Variants in CCNJL observed in about 807,000 individuals in gnomAD.
CCNJL encodes the protein cyclin J like.
Under a neutral mutation model 33.4 loss-of-function variants are expected in CCNJL, and 33 were observed. The observed-to-expected ratio is 0.99, with a 90% CI of 0.75 to 1.32. The LOEUF is 1.32. Among genes scored for constraint, CCNJL ranks in the 40% most tolerant of loss-of-function variants. CCNJL has a pLI of 0.00. For missense variants in CCNJL, 512 were observed against 499.7 expected (o/e 1.02, Z -0.23); for synonymous variants, 227 against 220.9 (o/e 1.03, Z -0.24).
rs528353311 is a variant in CCNJL, at chr5:160,269,832, C to G, written c.281-10061G>C. On this transcript the variant is annotated intron_variant, in intron 3 of 5. Coordinates refer to ENST00000257536, the MANE Select transcript of CCNJL (RefSeq NM_001308173.3). Reference sequence around the variant, plus strand: ...AGTGGCTGAGAACCACTGAGTCAACCCCAAGGTGACAACCTGTGTCCCCAT... The same window carrying G: ...AGTGGCTGAGAACCACTGAGTCAACGCCAAGGTGACAACCTGTGTCCCCAT... 2.5e-4 allele frequency among the ~76,000 whole-genome samples: 38 copies of G among 152,278 alleles called. 1 individual carries two copies. In the South Asian group the frequency reaches 7.7e-3, roughly 31 times the overall value.
Position 160,329,349 on chromosome 5 carries a change from T to A in CCNJL, n.206+10096A>T, listed in dbSNP as rs182316366. Among the ~76,000 whole-genome samples the A allele has an allele frequency of 4.7e-3, 688 of 146,952 alleles. 6 individuals carry two copies. The highest frequency in any genetic ancestry group is 0.016 in the African/African-American group (646 of 39,412). On this transcript the variant is annotated intron_variant and non_coding_transcript_variant, in intron 1 of 7. Transcript: ENST00000377503. ...CTGAGCCAGTATGATAAGGAAGTCT[T>A]CTTTTTTTTTTTTTTTTTTGAGACA...
At chr5:160,338,419 A>C (rs1416820224) in intron 1 of CCNJL, among the ~76,000 whole-genome samples, 1 of 150,622 alleles carries the variant, frequency 6.6e-6, no homozygotes, top group African/African-American at 2.4e-5. Flanking sequence ...CCCCCAAAAA[A>C]AGCCAAACCT....
At chr5:160,330,827 C>A (rs984002689) in intron 1 of CCNJL, among the ~76,000 whole-genome samples, 1 of 152,078 alleles carries the variant, frequency 6.6e-6, no homozygotes, top group Non-Finnish European at 1.5e-5. Context: ...TCATGCCTGG[C>A]TAATTTTTGT....
chr5:160,337,003 CTTTTTTT>C (rs35461944), intron 1 of CCNJL, among the ~76,000 whole-genome samples: 7 of 95,062 alleles, frequency 7.4e-5, no homozygotes, highest in African/African-American at 1.6e-4. Flanking sequence ...CTTTTTCTTT[CTTTTTTT>C]TTTTTTTTTT....
upstream of CCNJL, among the ~76,000 whole-genome samples, chr5:160,314,227 C>T (rs1763350946): frequency 6.6e-6 from 1 of 152,156 alleles, no homozygotes; most frequent in Admixed American, 6.5e-5. Flanking sequence ...AATCTTAAAG[C>T]ATATTGCAAC....
intron 1 of CCNJL, among the ~76,000 whole-genome samples, chr5:160,333,835 C>T (rs969410217): frequency 5.3e-5 from 8 of 152,120 alleles, no homozygotes; most frequent in African/African-American, 1.9e-4. Context: ...CTGTGGACCC[C>T]CAGGGTTTTC....
chr5:160,268,915 T>C lies in CCNJL; in HGVS notation c.281-9144A>G, dbSNP rs114001094. Among the ~76,000 whole-genome samples, 1,290 of 152,294 alleles carry C rather than the reference T, an allele frequency of 8.5e-3. 19 individuals are homozygous for C. The highest frequency in any genetic ancestry group is 0.03 in the African/African-American group (1,236 of 41,546). ...AAGCTCTCTTCTTCTCCTTCCTCTC[T>C]CAAGAGCAGGGCTGCATCTCCAGTC... On this transcript the variant is annotated intron_variant, in intron 3 of 5. Coordinates refer to ENST00000257536, the MANE Select transcript of CCNJL (RefSeq NM_001308173.3).
chr5:160,280,462 G>A lies in CCNJL; in HGVS notation c.280+63C>T. On this transcript the variant is annotated intron_variant, in intron 3 of 5. Coordinates refer to ENST00000257536, the MANE Select transcript of CCNJL (RefSeq NM_001308173.3). ...CAAAATGTAAAGTGATTTGGAAGCAGCCAGGCGCACTGAGCGGGAGGAGAC... is the reference window on the plus strand; with the variant it reads ...CAAAATGTAAAGTGATTTGGAAGCAACCAGGCGCACTGAGCGGGAGGAGAC... 3 of 1,298,964 alleles carry A rather than the reference G, an allele frequency of 2.3e-6. No homozygotes were observed. In the East Asian group the frequency reaches 6.9e-5, roughly 30 times the overall value. 80.5% of individuals were successfully genotyped at this position (1,298,964 alleles called of 1,614,324 possible).
chr5:160,260,124 T>TCAG (rs1318491774), intron 3 of CCNJL, among the ~76,000 whole-genome samples: 1 of 152,184 alleles, frequency 6.6e-6, no homozygotes, highest in Non-Finnish European at 1.5e-5. Flanking sequence ...CCGATAGCGG[T>TCAG]CAGCAGCAGC....
At chr5:160,255,787 A>C in intron 4 of CCNJL, 79 bp from the exon 5 acceptor site, 1 of 1,265,048 alleles carries the variant, frequency 7.9e-7, no homozygotes, top group Non-Finnish European at 1.1e-6. Context: ...ATGGATGGAC[A>C]AATGAATCGC....
At chr5:160,296,301 G>A (rs1304640090) in intron 2 of CCNJL, among the ~76,000 whole-genome samples, 1 of 152,176 alleles carries the variant, frequency 6.6e-6, no homozygotes, top group East Asian at 1.9e-4. Flanking sequence ...CAGGGCAGAG[G>A]GAGTCCTTCA....
intron 2 of CCNJL, among the ~76,000 whole-genome samples, chr5:160,305,745 A>G (rs1763075166): frequency 6.6e-6 from 1 of 152,192 alleles, no homozygotes. Flanking sequence ...TATTCCTGTG[A>G]GCCTTGCAGT....
chr5:160,283,005 A>G lies in CCNJL; in HGVS notation c.67-2267T>C, dbSNP rs1762285710. On this transcript the variant is annotated intron_variant, in intron 2 of 5. Coordinates refer to ENST00000257536, the MANE Select transcript of CCNJL (RefSeq NM_001308173.3). ...TATATATATATATATATATATATAT[A>G]TATACATATATATATATATATACCT... is the stretch of plus-strand genomic sequence containing the variant. 5.1e-5 allele frequency among the ~76,000 whole-genome samples: 3 copies of G among 58,570 alleles called. 1 individual carries two copies. In the South Asian group the frequency reaches 2.3e-3, roughly 44 times the overall value. 38.4% of individuals were successfully genotyped at this position (58,570 alleles called of 152,430 possible).
At chr5:160,297,896 G>A (rs114136450) in intron 2 of CCNJL, among the ~76,000 whole-genome samples, 17 of 152,186 alleles carry the variant, frequency 1.1e-4, no homozygotes, top group African/African-American at 4.1e-4. Context: ...AAATTCCAGC[G>A]CCAAGTCAAC....
intron 3 of CCNJL, among the ~76,000 whole-genome samples, chr5:160,267,634 G>A (rs1245945288): frequency 6.6e-6 from 1 of 152,100 alleles, no homozygotes; most frequent in African/African-American, 2.4e-5. Flanking sequence ...CTGGGTGGAG[G>A]AACTTCCATG....
At chr5:160,254,040 G>A (rs1760944365) in intron 5 of CCNJL, 1 of 470,794 alleles carries the variant, frequency 2.1e-6, no homozygotes, top group South Asian at 5.0e-5. Context: ...CTCCAGACTA[G>A]GCTGGCTGTC....
At chr5:160,303,885 T>G (rs1763009397) in intron 2 of CCNJL, among the ~76,000 whole-genome samples, 1 of 152,088 alleles carries the variant, frequency 6.6e-6, no homozygotes, top group African/African-American at 2.4e-5. Context: ...AAAGAAGAAG[T>G]CAATGACAAG....
intron 1 of CCNJL, among the ~76,000 whole-genome samples, chr5:160,320,814 T>C (rs540159545): frequency 6.8e-5 from 7 of 103,512 alleles, no homozygotes; most frequent in South Asian, 3.3e-4. Flanking sequence ...TCTTTCTTTC[T>C]TTCTTTCTTT....
chr5:160,320,164 A>G (rs1355490660), intron 1 of CCNJL, among the ~76,000 whole-genome samples: 5 of 152,192 alleles, frequency 3.3e-5, no homozygotes, highest in African/African-American at 1.2e-4. Context: ...CTGTTGTATG[A>G]CATGAAGAAT....
Sources: allele counts gnomAD v4.1 joint callset (sites outside exome capture counted in the v4.1 genomes callset), GRCh38; gene constraint gnomAD v4.1.1; transcripts MANE v1.5; gene names NCBI Gene and HGNC (gene_info 2026-07-23, HGNC 2026-07-21).